The following DNAH9 variants were observed in gnomAD, a reference collection of about 807,000 sequenced individuals.
DNAH9 encodes the protein DNAH9 variant protein.
Under a neutral mutation model 471.6 loss-of-function variants are expected in DNAH9, and 345 were observed. The observed-to-expected ratio is 0.73, with a 90% confidence interval of 0.67 to 0.80. The LOEUF is 0.80. Among genes scored for constraint, DNAH9 ranks in the 30% least tolerant of loss-of-function variants. The pLI is 0.00. For synonymous variants in DNAH9, 2,093 were observed against 2,123.6 expected, an observed-to-expected ratio of 0.99 and a Z score of 0.40; for missense variants, 5,407 against 5,609.2, an observed-to-expected ratio of 0.96 and a Z score of 1.15.
chr17:11,968,698 G>A (rs1025675574), intron 68 of DNAH9, among the ~76,000 whole-genome samples: 1 of 152,122 alleles, frequency 6.6e-6, no homozygotes, highest in Non-Finnish European at 1.5e-5. Flanking sequence ...AACATTTCTC[G>A]GGACTAGTAG....
intron 26 of DNAH9, among the ~76,000 whole-genome samples, chr17:11,709,234 A>C (rs1216441341): frequency 1.3e-5 from 2 of 152,184 alleles, no homozygotes; most frequent in Non-Finnish European, 1.5e-5. Flanking sequence ...GCAAATAAGA[A>C]CTTGAAAGGA....
At chr17:11,730,183 G>A (rs2075234543) in intron 28 of DNAH9, among the ~76,000 whole-genome samples, 1 of 152,178 alleles carries the variant, frequency 6.6e-6, no homozygotes, top group South Asian at 2.1e-4. Context: ...CAAATGGCTA[G>A]CCTGGACACT....
chr17:11,947,906 C>T (rs901518119), intron 67 of DNAH9, among the ~76,000 whole-genome samples: 7 of 149,066 alleles, frequency 4.7e-5, no homozygotes, highest in Non-Finnish European at 9.0e-5. Context: ...CTCAGCCTCC[C>T]GGCTCCCGCC....
chr17:11,654,900 A>G (rs1196855911), intron 14 of DNAH9, among the ~76,000 whole-genome samples: 1 of 152,158 alleles, frequency 6.6e-6, no homozygotes, highest in Non-Finnish European at 1.5e-5. Flanking sequence ...CATTTATCCA[A>G]TATATTACAC....
chr17:11,768,355 G>A lies in DNAH9; in HGVS notation c.7171-98G>A, dbSNP rs1409549087. The A allele has an allele frequency of 5.3e-5, 67 of 1,260,166 alleles. 1 individual carries two copies. The highest frequency in any genetic ancestry group is 3.6e-4 in the South Asian group (26 of 72,844). 78.1% of individuals were successfully genotyped at this position (1,260,166 alleles called of 1,614,324 possible). On this transcript the variant is annotated intron_variant, in intron 36 of 68. Coordinates refer to ENST00000262442, the MANE Select transcript of DNAH9 (RefSeq NM_001372.4). ...GGCAGGCCCACACAGGGAGGAGCAC[G>A]TTGTCCTGCCCTGACCTTCTATCTG...
chr17:11,608,186 T>C lies in DNAH9; in HGVS notation c.475T>C (p.Cys159Arg), dbSNP rs763537227. ...KNRLNWPHMICEDVRRHAHSL... is the reference protein window; with the variant it reads ...KNRLNWPHMIREDVRRHAHSL... ...TCGCCTAAACTGGCCCCACATGATA[T>C]GTGAGGATGTCAGGCGGCACGCCCA... Residue 159 changes from cysteine (C) to arginine (R), a missense_variant, in exon 2 of 69, where the codon TGT (cysteine) becomes CGT (arginine). Transcript: ENST00000262442. The C allele has an allele frequency of 2.1e-5, 34 of 1,613,716 alleles. No homozygotes were observed. Among genetic ancestry groups the C allele is most frequent in the African/African-American group, 2.7e-5 (2 of 74,924 alleles).
chr17:11,866,154 AC>A lies in DNAH9; in HGVS notation c.9934-2979del, dbSNP rs1033460280. 4.7e-4 allele frequency among the ~76,000 whole-genome samples: 71 copies of A among 149,944 alleles called. 1 individual carries two copies. Among genetic ancestry groups the A allele is most frequent in the Non-Finnish European group, 8.8e-4 (59 of 66,804 alleles). ...TTTCCCCATCTTTGTGGTTTTGTCT[AC>A]TTTTGGTCTTTGATGATGGTGATGT... On this transcript the variant is annotated intron_variant, in intron 50 of 68. Transcript: ENST00000262442.
intron 26 of DNAH9, among the ~76,000 whole-genome samples, chr17:11,712,774 A>C (rs531500025): frequency 4.6e-5 from 7 of 151,692 alleles, no homozygotes; most frequent in South Asian, 2.1e-4. Context: ...CTGTCTTCTT[A>C]TTATTGAGTT....
At chr17:11,690,867 C>T (rs2074323446) in intron 20 of DNAH9, among the ~76,000 whole-genome samples, 1 of 152,152 alleles carries the variant, frequency 6.6e-6, no homozygotes, top group African/African-American at 2.4e-5. Context: ...AAACCGCTGA[C>T]CTGTGCCAGC....
At chr17:11,887,045 T>A (rs972454777) in intron 57 of DNAH9, 80 bp downstream of exon 57, 11 of 1,491,770 alleles carry the variant, frequency 7.4e-6, no homozygotes, top group Non-Finnish European at 9.0e-6. Context: ...TGAGAGCTTA[T>A]CCATGTAAGA....
At chr17:11,724,668 C>G (rs1262321372) in intron 27 of DNAH9, among the ~76,000 whole-genome samples, 1 of 152,152 alleles carries the variant, frequency 6.6e-6, no homozygotes, top group Admixed American at 6.5e-5. Context: ...ATTTGTGACA[C>G]TTGGATTGTT....
At chr17:11,605,921 G>T (rs1007841017) in intron 1 of DNAH9, among the ~76,000 whole-genome samples, 4 of 152,092 alleles carry the variant, frequency 2.6e-5, no homozygotes, top group African/African-American at 7.2e-5. Context: ...TCAGTTATTT[G>T]ATAAACATCT....
Position 11,929,894 on chromosome 17 carries a change from G to T in DNAH9, c.11906G>T (p.Ser3969Ile), listed in dbSNP as rs768979242. Residue 3969 changes from serine to isoleucine, a missense_variant, in exon 63 of 69, where the codon AGC becomes ATC. Physicochemically the swap from Ser to Ile is moderately radical, Grantham distance 142. Transcript: ENST00000262442. ...QNIHLVAKWL[S>I]TLEKKLEEHS... Reference sequence around the variant, plus strand: ...ATTCACCTGGTGGCCAAGTGGCTCAGCACCCTGGAGAAGAAGCTGGAGGAG... The same window carrying T: ...ATTCACCTGGTGGCCAAGTGGCTCATCACCCTGGAGAAGAAGCTGGAGGAG... 3.7e-6 allele frequency: 6 copies of T among 1,613,866 alleles called. No individual in the cohort carries two copies. The highest frequency in any genetic ancestry group is 5.1e-6 in the Non-Finnish European group (6 of 1,179,930).
chr17:11,651,145 T>G lies in DNAH9; in HGVS notation c.2174T>G (p.Met725Arg). 6.2e-7 allele frequency: 1 copy of G among 1,614,132 alleles called. No homozygotes were observed. Among genetic ancestry groups the G allele is most frequent in the Non-Finnish European group, 8.5e-7 (1 of 1,179,990 alleles). ...CACATGCCTGAGACAGCAGCAGCCA[T>G]GTTCTCCTCCAGGGATTTCTATCGG... The part of the protein sequence containing the change: ...MKHMPETAAA[M>R]FSSRDFYRQL... The change falls in exon 13 of 69, where the codon ATG becomes AGG. Residue 725 changes from methionine to arginine, a missense_variant. Coordinates refer to ENST00000262442, the MANE Select transcript of DNAH9 (RefSeq NM_001372.4).
At chr17:11,935,288 C>T (rs753736070) in intron 65 of DNAH9, among the ~76,000 whole-genome samples, 100 of 151,016 alleles carry the variant, frequency 6.6e-4, no homozygotes, top group African/African-American at 1.4e-3. Context: ...ACTATTACTT[C>T]GGTCTTTTAT....
chr17:11,812,409 T>C (rs1265304645), intron 45 of DNAH9, among the ~76,000 whole-genome samples: 3 of 151,978 alleles, frequency 2.0e-5, no homozygotes, highest in African/African-American at 7.2e-5. Context: ...TAGTAGTATA[T>C]AGTCTATCTA....
intron 41 of DNAH9, among the ~76,000 whole-genome samples, chr17:11,785,399 C>T (rs1968830013): frequency 6.6e-6 from 1 of 152,114 alleles, no homozygotes; most frequent in South Asian, 2.1e-4. Flanking sequence ...CTTCCAATGA[C>T]AGCACATGTA....
At chr17:11,653,519 G>T (rs946030503) in intron 14 of DNAH9, among the ~76,000 whole-genome samples, 9 of 152,148 alleles carry the variant, frequency 5.9e-5, no homozygotes, top group Admixed American at 2.6e-4. Context: ...GAAACTTTAC[G>T]TCCCATCATC....
chr17:11,697,489 G>A (rs1407974011), intron 22 of DNAH9, among the ~76,000 whole-genome samples: 2 of 152,054 alleles, frequency 1.3e-5, no homozygotes, highest in Admixed American at 6.6e-5. Flanking sequence ...CTAAAAATTT[G>A]TATGCTTATA....
Sources: allele counts gnomAD v4.1 joint callset (sites outside exome capture counted in the v4.1 genomes callset), GRCh38; gene constraint gnomAD v4.1.1; transcripts MANE v1.5; gene names NCBI Gene and HGNC (gene_info 2026-07-23, HGNC 2026-07-21).